Variants in NELL2 observed in about 807,000 individuals in gnomAD.
NELL2 encodes the protein protein kinase C-binding protein NELL2.
In NELL2, 41 loss-of-function variants were observed where a neutral mutation model predicts 109.6. The ratio of observed to expected loss-of-function variants is 0.37; its 90% CI spans 0.29 to 0.49. The LOEUF is 0.49. Ranked by LOEUF, NELL2 falls within the 20% of genes least tolerant of loss-of-function variation. The probability of loss-of-function intolerance (pLI) is 0.98; values close to 1 mark genes in which losing one functional copy is unlikely to be tolerated. For missense variants in NELL2, 900 were observed against 1,008.3 expected (o/e 0.89, Z 1.45); for synonymous variants, 355 against 344.7 (o/e 1.03, Z -0.33).
chr12:44,577,712 T>A (rs1283803635), intron 15 of NELL2, among the ~76,000 whole-genome samples: 2 of 152,028 alleles, frequency 1.3e-5, no homozygotes, highest in African/African-American at 4.8e-5. Context: ...TCTCCTGACC[T>A]CGTGATCCGC....
chr12:44,891,831 T>C (rs939741836), intron 1 of NELL2, among the ~76,000 whole-genome samples: 1 of 152,212 alleles, frequency 6.6e-6, no homozygotes, highest in African/African-American at 2.4e-5. Context: ...TCTCTCCTCT[T>C]ATTTAATTGG....
intron 15 of NELL2, among the ~76,000 whole-genome samples, chr12:44,582,846 T>C (rs1944371223): frequency 6.6e-6 from 1 of 152,146 alleles, no homozygotes; most frequent in African/African-American, 2.4e-5. Context: ...GATTAGGTCA[T>C]GAGGATCCTG....
intron 12 of NELL2, among the ~76,000 whole-genome samples, chr12:44,675,333 T>G (rs1948270586): frequency 6.6e-6 from 1 of 152,134 alleles, no homozygotes. Flanking sequence ...ACTTTGCAAT[T>G]CCAACAAAGG....
intron 15 of NELL2, among the ~76,000 whole-genome samples, chr12:44,600,110 C>T (rs1037428335): frequency 4.0e-5 from 6 of 150,562 alleles, no homozygotes; most frequent in East Asian, 1.9e-4. Flanking sequence ...TGCAGGCGCC[C>T]GCCAGCACGC....
chr12:44,625,629 GA>G (rs937026577), intron 13 of NELL2, among the ~76,000 whole-genome samples: 4 of 151,648 alleles, frequency 2.6e-5, no homozygotes, highest in Admixed American at 6.6e-5. Context: ...ATCAAGAGGA[GA>G]AAAAAAATCC....
intron 9 of NELL2, among the ~76,000 whole-genome samples, chr12:44,743,078 G>A (rs1940095970): frequency 6.6e-6 from 1 of 152,202 alleles, no homozygotes; most frequent in African/African-American, 2.4e-5. Context: ...TCAAAGGGAA[G>A]CACATCAGAC....
chr12:44,520,304 G>A lies in NELL2; in HGVS notation c.2176-75C>T, dbSNP rs1159894916. 1.5e-5 allele frequency: 16 copies of A among 1,099,832 alleles called. No homozygotes were observed. The East Asian group carries it at 3.6e-4, about 25-fold the overall frequency. The allele number at this position is 1,099,832 out of a possible 1,614,324, so 68.1% of individuals were successfully genotyped here. ...GGAGGGAGGCCAGGAAAAAGCAGAT[G>A]AGCACAGTGTTTACTGAATACTCAA... On this transcript the variant is annotated intron_variant, in intron 18 of 19. Coordinates refer to ENST00000429094, the MANE Select transcript of NELL2 (RefSeq NM_001145108.2).
At chr12:44,767,951 T>C (rs1160034348) in intron 9 of NELL2, among the ~76,000 whole-genome samples, 2 of 152,150 alleles carry the variant, frequency 1.3e-5, no homozygotes, top group African/African-American at 2.4e-5. Context: ...AATTAAAGCA[T>C]TAAAAATACT....
intron 3 of NELL2, among the ~76,000 whole-genome samples, chr12:44,812,074 C>T (rs1384873162): frequency 6.6e-6 from 1 of 151,870 alleles, no homozygotes; most frequent in Non-Finnish European, 1.5e-5. Flanking sequence ...CCCATTGAAG[C>T]GCTGGACCTA....
chr12:44,521,306 G>A (rs1182898622), intron 18 of NELL2, among the ~76,000 whole-genome samples: 2 of 152,066 alleles, frequency 1.3e-5, no homozygotes, highest in East Asian at 3.9e-4. Flanking sequence ...CGAGGCGGGC[G>A]GATCACGAGG....
intron 9 of NELL2, among the ~76,000 whole-genome samples, chr12:44,747,356 G>A (rs1388785824): frequency 5.3e-5 from 8 of 151,958 alleles, no homozygotes; most frequent in South Asian, 2.1e-4. Flanking sequence ...GTTAAATGAC[G>A]AGTTAATGGG....
chr12:44,561,249 T>A (rs1002104869), intron 15 of NELL2, among the ~76,000 whole-genome samples: 1 of 152,170 alleles, frequency 6.6e-6, no homozygotes, highest in Non-Finnish European at 1.5e-5. Context: ...GTTGGAAGTA[T>A]TCCCTTCGAA....
chr12:44,535,686 T>C (rs954761256), intron 15 of NELL2, among the ~76,000 whole-genome samples: 4 of 151,966 alleles, frequency 2.6e-5, no homozygotes, highest in East Asian at 1.9e-4. Context: ...ATTAGTTCAA[T>C]TTGTAGCAAC....
At chr12:44,683,992 A>C (rs1231041794) in intron 12 of NELL2, among the ~76,000 whole-genome samples, 4 of 152,186 alleles carry the variant, frequency 2.6e-5, no homozygotes, top group African/African-American at 7.2e-5. Flanking sequence ...TTCAGAAGGA[A>C]TGGTACCAGT....
intron 1 of NELL2, among the ~76,000 whole-genome samples, chr12:44,890,875 C>G (rs1035913403): frequency 4.6e-5 from 7 of 152,034 alleles, no homozygotes; most frequent in South Asian, 2.1e-4. Flanking sequence ...GGATTACAGG[C>G]ACCCGCCATC....
intron 15 of NELL2, among the ~76,000 whole-genome samples, chr12:44,555,641 C>T (rs1159429610): frequency 1.3e-5 from 2 of 152,036 alleles, no homozygotes; most frequent in Non-Finnish European, 1.5e-5. Context: ...ATTTCAGGCC[C>T]ACTGTATTAA....
chr12:44,725,466 G>A (rs1939023620), intron 9 of NELL2, among the ~76,000 whole-genome samples: 1 of 152,120 alleles, frequency 6.6e-6, no homozygotes, highest in Non-Finnish European at 1.5e-5. Context: ...AAAACTAAAA[G>A]CAGAACTCCC....
intron 2 of NELL2, among the ~76,000 whole-genome samples, chr12:44,822,114 T>C (rs1288723635): frequency 1.3e-5 from 2 of 152,086 alleles, no homozygotes; most frequent in Non-Finnish European, 2.9e-5. Context: ...CAAGGAATCC[T>C]GCTAGGAATC....
intron 2 of NELL2, among the ~76,000 whole-genome samples, chr12:44,873,896 T>G (rs1945238597): frequency 6.6e-6 from 1 of 152,144 alleles, no homozygotes; most frequent in African/African-American, 2.4e-5. Flanking sequence ...AAAAGACCCT[T>G]AAGTGAATAA....
Sources: gnomAD v4.1 joint callset for allele counts (sites outside exome capture counted in the v4.1 genomes callset) on GRCh38, gnomAD v4.1.1 for gene constraint, MANE v1.5 for transcripts, NCBI Gene and HGNC (gene_info 2026-07-23, HGNC 2026-07-21) for gene names.